Variants in RAPH1 observed in about 807,000 individuals in gnomAD.
RAPH1 encodes the protein Ras association (RalGDS/AF-6) and pleckstrin homology domains 1.
RAPH1 carries 18 observed loss-of-function variants against 88.1 expected under a neutral mutation model. That is an observed-to-expected ratio of 0.20 (90% confidence interval 0.14 to 0.30). The LOEUF (loss-of-function observed/expected upper bound fraction) is 0.30. RAPH1 is among the 10% of genes least tolerant of loss of function. The probability of loss-of-function intolerance (pLI) is 1.00; values close to 1 mark genes in which losing one functional copy is unlikely to be tolerated. For synonymous variants in RAPH1, 587 were observed against 559.0 expected (o/e 1.05, Z -0.71); for missense variants, 1,448 against 1,543.2 (o/e 0.94, Z 1.03).
chr2:203,499,627 C>T (rs1688654755), intron 1 of RAPH1, among the ~76,000 whole-genome samples: 2 of 151,950 alleles, frequency 1.3e-5, no homozygotes, highest in Admixed American at 6.6e-5. Flanking sequence ...GCAGGAGAAT[C>T]GCTGGAACCC....
At chr2:203,496,474 T>A (rs1688522270) in intron 1 of RAPH1, among the ~76,000 whole-genome samples, 5 of 152,248 alleles carry the variant, frequency 3.3e-5, no homozygotes, top group Admixed American at 3.3e-4. Context: ...ATTAATCTGA[T>A]AAATATAAAT....
chr2:203,462,691 A>G (rs2098525092), intron 4 of RAPH1, among the ~76,000 whole-genome samples: 1 of 152,164 alleles, frequency 6.6e-6, no homozygotes, highest in African/African-American at 2.4e-5. Flanking sequence ...AGTAATAAAA[A>G]TTATAACTAA....
rs375856992 is a variant in RAPH1, at chr2:203,455,108, T to TA, written c.1302+328dup. Among the ~76,000 whole-genome samples the TA allele has an allele frequency of 3.4e-3, 517 of 151,982 alleles. 3 individuals are homozygous for TA. The highest frequency in any genetic ancestry group is 0.012 in the African/African-American group (488 of 41,466). On this transcript the variant is annotated intron_variant, in intron 9 of 13. Coordinates refer to ENST00000319170, the MANE Select transcript of RAPH1 (RefSeq NM_213589.3). ...GAAGAAGCATATTACCCAAACAAGA[T>TA]AAAAAAGCCTGTAATCCCAGAGAGC... is the stretch of plus-strand genomic sequence containing the variant.
chr2:203,435,457 A>C lies in RAPH1; in HGVS notation c.*3980T>G, dbSNP rs1268899393. The C allele has an allele frequency of 6.6e-6, 1 of 151,910 alleles. No individual in the cohort carries two copies. The allele number at this position is 151,910 out of a possible 1,614,324, so 9.4% of individuals were successfully genotyped here. On this transcript the variant is annotated 3_prime_UTR_variant, in exon 14 of 14. Transcript: ENST00000319170. ...TTGGATCAAATCTCAACTTTGTGAG[A>C]GGTCATACATTTCTACAGGGTTAGG...
intron 1 of RAPH1, among the ~76,000 whole-genome samples, chr2:203,523,265 C>G (rs892096225): frequency 1.4e-4 from 22 of 151,796 alleles, no homozygotes; most frequent in African/African-American, 4.8e-4. Context: ...TGGTGGCGGG[C>G]GCCTGTAGTC....
intron 1 of RAPH1, among the ~76,000 whole-genome samples, chr2:203,506,769 T>G (rs1211281597): frequency 3.0e-5 from 4 of 131,202 alleles, no homozygotes; most frequent in Admixed American, 1.6e-4. Context: ...TATATATATA[T>G]CTATATATAT....
In RAPH1 at chr2:203,438,104, C is replaced by G. The variant is rs1553617344; in HGVS notation, c.*1333G>C. On this transcript the variant is annotated 3_prime_UTR_variant, in exon 14 of 14. Transcript: ENST00000319170. ...CACGCATAAAACGTAATGTCAGTTA[C>G]TGGACTTGGACTGTCCCACTCCATC... 2.9e-5 allele frequency: 15 copies of G among 517,312 alleles called. No individual in the cohort carries two copies. The highest frequency in any genetic ancestry group is 2.1e-4 in the South Asian group (15 of 70,904). 32.0% of individuals were successfully genotyped at this position (517,312 alleles called of 1,614,324 possible). A position where few individuals can be genotyped will look rare whatever the true frequency, so the allele number is the denominator to read the frequency against.
intron 1 of RAPH1, among the ~76,000 whole-genome samples, chr2:203,513,937 C>G (rs1019212002): frequency 6.6e-6 from 1 of 151,816 alleles, no homozygotes. Context: ...CTCCACCTCC[C>G]GGGTTCAAGT....
chr2:203,436,711 G>A lies in RAPH1; in HGVS notation c.*2726C>T, dbSNP rs2098498806. ...TGCACAGACTTGAAGCAGCCAAGCT[G>A]GGTGAGAGCTGCAGAGCAGAGGGCA... On this transcript the variant is annotated 3_prime_UTR_variant, in exon 14 of 14. Transcript: ENST00000319170. The A allele has an allele frequency of 6.6e-6, 1 of 152,260 alleles. No individual in the cohort carries two copies. Among genetic ancestry groups the A allele is most frequent in the South Asian group, 2.1e-4 (1 of 4,826 alleles). The allele number at this position is 152,260 out of a possible 1,614,324, so 9.4% of individuals were successfully genotyped here.
At chr2:203,470,364 G>A (rs1160553692) in intron 4 of RAPH1, 1 of 1,243,412 alleles carries the variant, frequency 8.0e-7, no homozygotes, top group East Asian at 2.4e-5. Context: ...ACAGAAGTCA[G>A]TGGAGGTTTT....
Position 203,438,793 on chromosome 2 carries a change from T to A in RAPH1, c.*644A>T, listed in dbSNP as rs2098500554. 6.5e-6 allele frequency: 1 copy of A among 154,296 alleles called. No individual in the cohort carries two copies. The allele number at this position is 154,296 out of a possible 1,614,324, so 9.6% of individuals were successfully genotyped here. A position where few individuals can be genotyped will look rare whatever the true frequency, so the allele number is the denominator to read the frequency against. The stretch of plus-strand genomic sequence containing the variant: ...CACATACAGATGATGTCTGTGAACA[T>A]TTCCCCATCCTGCACTAGTTACCCG... On this transcript the variant is annotated 3_prime_UTR_variant, in exon 14 of 14. Transcript: ENST00000319170.
chr2:203,526,793 T>G (rs1472489903), intron 1 of RAPH1, among the ~76,000 whole-genome samples: 1 of 151,548 alleles, frequency 6.6e-6, no homozygotes, highest in Non-Finnish European at 1.5e-5. Flanking sequence ...TCTTTTTCTT[T>G]TTTTTTTTTG....
At position 203,440,419 on chromosome 2, in the gene RAPH1, C is replaced by T. The variant is rs1437084345; in HGVS notation, c.2771G>A (p.Ser924Asn). The change falls in exon 14 of 14, where the codon AGC (serine) becomes AAC (asparagine). Residue 924 changes from serine (S) to asparagine (N), a missense_variant. Coordinates refer to ENST00000319170, the MANE Select transcript of RAPH1 (RefSeq NM_213589.3). ...PDFPPPPPES[S>N]LVFPPPPPSP... ...TGGGGGTGGAGGAGGAAACACCAGG[C>T]TGCTTTCAGGAGGGGGAGGAGGGAA... The T allele has an allele frequency of 6.4e-7, 1 of 1,553,518 alleles. No homozygotes were observed. The highest frequency in any genetic ancestry group is 1.2e-5 in the South Asian group (1 of 81,016).
At chr2:203,522,248 AG>A (rs1330283420) in intron 1 of RAPH1, among the ~76,000 whole-genome samples, 1 of 152,230 alleles carries the variant, frequency 6.6e-6, no homozygotes, top group Non-Finnish European at 1.5e-5. Flanking sequence ...GTTATGAATT[AG>A]ATGTTATCAT....
intron 7 of RAPH1, among the ~76,000 whole-genome samples, chr2:203,459,301 C>T (rs1295585904): frequency 6.6e-6 from 1 of 152,208 alleles, no homozygotes; most frequent in Admixed American, 6.5e-5. Flanking sequence ...ATCTTTAACA[C>T]TGCTGCTATT....
chr2:203,528,974 T>C (rs1435122401), intron 1 of RAPH1, among the ~76,000 whole-genome samples: 2 of 140,986 alleles, frequency 1.4e-5, no homozygotes, highest in South Asian at 2.2e-4. Flanking sequence ...TTACTGGTTG[T>C]TTTGCTATAT....
intron 1 of RAPH1, among the ~76,000 whole-genome samples, chr2:203,501,405 G>A (rs1005274632): frequency 7.2e-5 from 11 of 152,164 alleles, no homozygotes; most frequent in African/African-American, 2.7e-4. Flanking sequence ...TGTGAATGAA[G>A]TGCTGTTATT....
intron 4 of RAPH1, among the ~76,000 whole-genome samples, chr2:203,470,912 T>C (rs549434302): frequency 1.6e-4 from 24 of 152,344 alleles, no homozygotes; most frequent in African/African-American, 5.5e-4. Flanking sequence ...AGGAGTATAC[T>C]GCACAGTAAA....
At chr2:203,470,092 A>C in intron 4 of RAPH1, 1 of 528,278 alleles carries the variant, frequency 1.9e-6, no homozygotes. Context: ...AAGATCAGTA[A>C]ATAATTACCA....
Sources: gnomAD v4.1 joint callset for allele counts (sites outside exome capture counted in the v4.1 genomes callset) on GRCh38, gnomAD v4.1.1 for gene constraint, MANE v1.5 for transcripts, NCBI Gene and HGNC (gene_info 2026-07-23, HGNC 2026-07-21) for gene names.